The following SLCO3A1 variants were observed in gnomAD, a reference collection of about 807,000 sequenced individuals.
The protein encoded by SLCO3A1 is solute carrier organic anion transporter family member 3A1, also known as PGE1 transporter.
In SLCO3A1, 27 loss-of-function variants were observed where a neutral mutation model predicts 63.1. The ratio of observed to expected loss-of-function variants is 0.43; its 90% CI spans 0.32 to 0.59. SLCO3A1 has a LOEUF of 0.59. SLCO3A1 is among the 20% of genes least tolerant of loss of function. SLCO3A1 has a pLI of 0.09. For missense variants in SLCO3A1, 773 were observed against 945.8 expected, an observed-to-expected ratio of 0.82 and a Z score of 2.40; for synonymous variants, 473 against 409.9, an observed-to-expected ratio of 1.15 and a Z score of -1.86.
intron 2 of SLCO3A1, among the ~76,000 whole-genome samples, chr15:91,969,784 A>C (rs1313323375): frequency 2.0e-5 from 3 of 152,090 alleles, no homozygotes; most frequent in African/African-American, 7.2e-5. Context: ...CCCATTTTTC[A>C]GTGGAAGAGA....
At position 91,912,962 on chromosome 15, in the gene SLCO3A1, G is replaced by T. The variant is rs1319566620; in HGVS notation, c.181-3031G>T. Among the ~76,000 whole-genome samples, 2 of 152,144 alleles carry T rather than the reference G, an allele frequency of 1.3e-5. No individual in the cohort carries two copies. The highest frequency in any genetic ancestry group is 4.8e-5 in the African/African-American group (2 of 41,422). On this transcript the variant is annotated intron_variant, in intron 1 of 9. Transcript: ENST00000318445. The surrounding 1 kb of genome is among the most constrained non-coding windows in gnomAD (Gnocchi z 5.0). ...TTGCATCACCTATTATAAACCTCTG[G>T]TAAATCATTTATTCCATCATGTATG...
chr15:92,032,063 T>C (rs2046656483), intron 2 of SLCO3A1, among the ~76,000 whole-genome samples: 1 of 152,208 alleles, frequency 6.6e-6, no homozygotes, highest in Non-Finnish European at 1.5e-5. Flanking sequence ...GTTGTCGTTG[T>C]TGGTAGTGAT....
downstream of SLCO3A1, among the ~76,000 whole-genome samples, chr15:92,166,390 T>G (rs11631374): frequency 0.15 from 22,758 of 152,220 alleles, 2,275 homozygotes; most frequent in African/African-American, 0.28. Context: ...AACGTCTTCC[T>G]AGCAGGAGGG....
intron 2 of SLCO3A1, among the ~76,000 whole-genome samples, chr15:92,013,879 C>T (rs956820000): frequency 3.3e-5 from 5 of 152,078 alleles, no homozygotes; most frequent in African/African-American, 1.2e-4. Flanking sequence ...TGTGAGATTG[C>T]TCAAGAATAT....
rs150785179 is a variant in SLCO3A1, at chr15:91,910,806, A to G, written c.181-5187A>G. 1.1e-3 allele frequency among the ~76,000 whole-genome samples: 167 copies of G among 152,242 alleles called. 1 individual carries two copies. Among genetic ancestry groups the G allele is most frequent in the African/African-American group, 3.9e-3 (164 of 41,546 alleles). On this transcript the variant is annotated intron_variant, in intron 1 of 9. Transcript: ENST00000318445. Reference sequence around the variant, plus strand: ...TTAGAGTCACCCAGGGAACTCTGAAAATACAGATGCCCAGTCTTGCAGGTG... The same window carrying G: ...TTAGAGTCACCCAGGGAACTCTGAAGATACAGATGCCCAGTCTTGCAGGTG...
intron 2 of SLCO3A1, among the ~76,000 whole-genome samples, chr15:92,077,645 T>G (rs1472566662): frequency 6.6e-6 from 1 of 152,156 alleles, no homozygotes; most frequent in African/African-American, 2.4e-5. Context: ...TCCCCCACAC[T>G]GTAGGTGCGG....
chr15:91,925,670 G>A (rs1898989345), intron 2 of SLCO3A1, among the ~76,000 whole-genome samples: 1 of 152,148 alleles, frequency 6.6e-6, no homozygotes, highest in Non-Finnish European at 1.5e-5. Flanking sequence ...TGGACTGAGA[G>A]AAATGGACCA....
chr15:92,083,962 C>T (rs887548139), intron 2 of SLCO3A1, among the ~76,000 whole-genome samples: 1 of 152,078 alleles, frequency 6.6e-6, no homozygotes, highest in Non-Finnish European at 1.5e-5. Context: ...GACTGCAGAC[C>T]CTGGCCATGC....
chr15:92,112,204 A>T (rs1015317078), intron 4 of SLCO3A1, among the ~76,000 whole-genome samples: 5 of 152,216 alleles, frequency 3.3e-5, no homozygotes, highest in Non-Finnish European at 7.3e-5. Flanking sequence ...GCAGAGACAC[A>T]TGGACAGGAA....
At chr15:91,960,578 A>G (rs1485902497) in intron 2 of SLCO3A1, among the ~76,000 whole-genome samples, 2 of 152,206 alleles carry the variant, frequency 1.3e-5, no homozygotes, top group African/African-American at 2.4e-5. Flanking sequence ...AATTAAGAAC[A>G]TATTTTGAGA....
At chr15:92,160,603 A>C (rs1337125515) in intron 9 of SLCO3A1, among the ~76,000 whole-genome samples, 3 of 152,134 alleles carry the variant, frequency 2.0e-5, no homozygotes, top group Non-Finnish European at 4.4e-5. Context: ...GCTGCTTGGG[A>C]AGTTTAATGA....
intron 5 of SLCO3A1, among the ~76,000 whole-genome samples, chr15:92,123,992 T>C (rs1196233153): frequency 6.6e-6 from 1 of 152,224 alleles, no homozygotes; most frequent in East Asian, 1.9e-4. Context: ...GCCCTCTGTG[T>C]GTGCCCTGCC....
chr15:92,087,455 T>C lies in SLCO3A1; in HGVS notation c.647-7426T>C, dbSNP rs118180974. Among the ~76,000 whole-genome samples, 220 of 152,352 alleles carry C rather than the reference T, an allele frequency of 1.4e-3. 1 individual carries two copies. Among genetic ancestry groups the C allele is most frequent in the Non-Finnish European group, 2.3e-3 (157 of 68,038 alleles). ...GTCCTTAGCATTTCTATGAACAATT[T>C]AGAATCACCTTGCTACATTCCACAA... is the stretch of plus-strand genomic sequence containing the variant. On this transcript the variant is annotated intron_variant, in intron 2 of 9. Coordinates refer to ENST00000318445, the MANE Select transcript of SLCO3A1 (RefSeq NM_013272.4).
chr15:92,165,156 G>C lies in SLCO3A1; in HGVS notation c.*2021G>C. On this transcript the variant is annotated 3_prime_UTR_variant, in exon 10 of 10. Coordinates refer to ENST00000318445, the MANE Select transcript of SLCO3A1 (RefSeq NM_013272.4). ...AGGCACTCAGCAAGACCAACCAAAA[G>C]AAAAGCTGTGTCGTGGTATGGGGCC... 3 of 985,436 alleles carry C rather than the reference G, an allele frequency of 3.0e-6. No homozygotes were observed. The highest frequency in any genetic ancestry group is 3.6e-6 in the Non-Finnish European group (3 of 829,944). 61.0% of individuals were successfully genotyped at this position (985,436 alleles called of 1,614,324 possible). A position where few individuals can be genotyped will look rare whatever the true frequency, so the allele number is the denominator to read the frequency against.
At chr15:92,050,720 C>T (rs775848461) in intron 2 of SLCO3A1, among the ~76,000 whole-genome samples, 6 of 152,168 alleles carry the variant, frequency 3.9e-5, no homozygotes, top group Admixed American at 1.3e-4. Context: ...TTTTAGGTCA[C>T]GTCCCTGCTT....
At chr15:92,094,752 A>G in intron 2 of SLCO3A1, 129 bp from the exon 3 acceptor site, 1 of 621,742 alleles carries the variant, frequency 1.6e-6, no homozygotes, top group Non-Finnish European at 2.8e-6. Context: ...TTTCCCCTCT[A>G]GGATTTTTAG....
intron 3 of SLCO3A1, among the ~76,000 whole-genome samples, chr15:92,102,412 A>G (rs1201549520): frequency 2.6e-5 from 4 of 152,168 alleles, no homozygotes; most frequent in African/African-American, 9.7e-5. Context: ...ATCTCTCTCT[A>G]TACAAAGAGC....
rs79913287 is a variant in SLCO3A1 at position 92,126,354 on chromosome 15, T to C, written c.1373+95T>C. On this transcript the variant is annotated intron_variant, in intron 6 of 9. Transcript: ENST00000318445. ...TTGAGGGAACCAGCTTTGTTCCTAG[T>C]GACCTGAGGAGACGCATCACGGCTG... 697 of 1,021,752 alleles carry C rather than the reference T, an allele frequency of 6.8e-4. 5 individuals are homozygous for C. In the African/African-American group the frequency reaches 9.5e-3, roughly 14 times the overall value. The allele number at this position is 1,021,752 out of a possible 1,614,324, so 63.3% of individuals were successfully genotyped here. A position where few individuals can be genotyped will look rare whatever the true frequency, so the allele number is the denominator to read the frequency against.
At chr15:92,093,902 C>G (rs908095939) in intron 2 of SLCO3A1, among the ~76,000 whole-genome samples, 2 of 152,140 alleles carry the variant, frequency 1.3e-5, no homozygotes, top group African/African-American at 4.8e-5. Flanking sequence ...CTCCAGGTGC[C>G]CGTGTGGCCT....
Sources: allele counts gnomAD v4.1 joint callset (sites outside exome capture counted in the v4.1 genomes callset), GRCh38; gene constraint gnomAD v4.1.1; non-coding constraint Gnocchi (gnomAD v3.1); transcripts MANE v1.5; gene names NCBI Gene and HGNC (gene_info 2026-07-23, HGNC 2026-07-21).